BTBD9: variants seen among roughly 807,000 people sequenced by gnomAD.
The protein encoded by BTBD9 is BTB domain containing 9, also known as BTB/POZ domain-containing protein 9.
In BTBD9, 49 loss-of-function variants were observed where a neutral mutation model predicts 64.3. The observed-to-expected ratio is 0.76, with a 90% CI of 0.61 to 0.97. The LOEUF is 0.97. Among genes scored for constraint, BTBD9 ranks in the 50% least tolerant of loss-of-function variants. The pLI is 0.00. For synonymous variants in BTBD9, 260 were observed against 274.7 expected (o/e 0.95, Z 0.53); for missense variants, 598 against 762.1 (o/e 0.78, Z 2.53).
At chr6:38,236,509 C>T (rs938566157) in intron 9 of BTBD9, among the ~76,000 whole-genome samples, 3 of 152,190 alleles carry the variant, frequency 2.0e-5, no homozygotes, top group Non-Finnish European at 4.4e-5. Context: ...ATTTGGATTA[C>T]GACAGTTAGC....
At chr6:38,542,334 AT>A (rs1774317949) in intron 6 of BTBD9, among the ~76,000 whole-genome samples, 1 of 152,102 alleles carries the variant, frequency 6.6e-6, no homozygotes, top group Non-Finnish European at 1.5e-5. Context: ...ATCTCAGTAA[AT>A]TGTACCCCCA....
chr6:38,552,914 A>G (rs954947000), intron 6 of BTBD9, among the ~76,000 whole-genome samples: 2 of 152,166 alleles, frequency 1.3e-5, no homozygotes, highest in Non-Finnish European at 2.9e-5. Context: ...CCCACCAAGG[A>G]TATCAAAATC....
At chr6:38,615,199 T>G (rs1777743868) in intron 1 of BTBD9, among the ~76,000 whole-genome samples, 1 of 152,254 alleles carries the variant, frequency 6.6e-6, no homozygotes, top group African/African-American at 2.4e-5. Context: ...GCAGCCTTCC[T>G]TGACCTGGGT....
At chr6:38,466,589 C>A (rs536868611) in intron 6 of BTBD9, among the ~76,000 whole-genome samples, 2 of 151,888 alleles carry the variant, frequency 1.3e-5, no homozygotes, top group African/African-American at 4.8e-5. Flanking sequence ...CTACCGCACC[C>A]GGCCCTTTTT....
At chr6:38,539,902 A>G (rs141543406) in intron 6 of BTBD9, among the ~76,000 whole-genome samples, 1 of 152,330 alleles carries the variant, frequency 6.6e-6, no homozygotes, top group East Asian at 1.9e-4. Flanking sequence ...GCTCTATTAG[A>G]GTTCACAGGC....
At chr6:38,581,363 AAATT>A (rs1315800870) in intron 4 of BTBD9, among the ~76,000 whole-genome samples, 2 of 152,246 alleles carry the variant, frequency 1.3e-5, no homozygotes, top group Non-Finnish European at 2.9e-5. Context: ...GAATATGCTG[AAATT>A]AATTAATCTA....
chr6:38,505,964 C>CAAAAAAAAAAAAAAAAAAAAAAAAAA (rs59014161), intron 6 of BTBD9, among the ~76,000 whole-genome samples: 3 of 82,626 alleles, frequency 3.6e-5, no homozygotes, highest in African/African-American at 1.2e-4. Context: ...TCCGTCTCAA[C>CAAAAAAAAAAAAAAAAAAAAAAAAAA]AAAAAAAAAA....
intron 9 of BTBD9, among the ~76,000 whole-genome samples, chr6:38,220,473 G>T (rs1267989906): frequency 1.3e-5 from 2 of 152,190 alleles, no homozygotes; most frequent in African/African-American, 4.8e-5. Flanking sequence ...TTTCTGCATG[G>T]TTTGAAAATA....
intron 9 of BTBD9, among the ~76,000 whole-genome samples, chr6:38,254,897 A>G (rs539145725): frequency 6.6e-6 from 1 of 152,348 alleles, no homozygotes; most frequent in Admixed American, 6.5e-5. Context: ...TGACCCAGCA[A>G]TTCTACTCTC....
chr6:38,191,032 A>G (rs1366474907), intron 10 of BTBD9, among the ~76,000 whole-genome samples: 1 of 152,252 alleles, frequency 6.6e-6, no homozygotes, highest in South Asian at 2.1e-4. Flanking sequence ...TTCGATTTCA[A>G]TATGTTACTA....
At chr6:38,331,036 G>T (rs1763654755) in intron 7 of BTBD9, among the ~76,000 whole-genome samples, 1 of 152,156 alleles carries the variant, frequency 6.6e-6, no homozygotes, top group Non-Finnish European at 1.5e-5. Flanking sequence ...CAAAAAAAAT[G>T]ACTGATAGGA....
chr6:38,489,779 GA>G (rs1771619442), intron 6 of BTBD9, among the ~76,000 whole-genome samples: 1 of 152,076 alleles, frequency 6.6e-6, no homozygotes, highest in Non-Finnish European at 1.5e-5. Flanking sequence ...CATCTTTTGT[GA>G]ATTGTCTATT....
chr6:38,299,889 T>C (rs908583952), intron 7 of BTBD9, among the ~76,000 whole-genome samples: 8 of 152,240 alleles, frequency 5.3e-5, no homozygotes, highest in Non-Finnish European at 1.2e-4. Context: ...ATTTTGGCTT[T>C]TGTTGCCATT....
At chr6:38,177,371 G>C (rs1164519189) in intron 10 of BTBD9, among the ~76,000 whole-genome samples, 1 of 152,158 alleles carries the variant, frequency 6.6e-6, no homozygotes, top group African/African-American at 2.4e-5. Flanking sequence ...CCTTCAGGGT[G>C]CCTCCCGCTC....
intron 6 of BTBD9, among the ~76,000 whole-genome samples, chr6:38,388,793 T>C (rs955176948): frequency 2.0e-5 from 3 of 152,174 alleles, no homozygotes; most frequent in African/African-American, 4.8e-5. Context: ...TCATTTAAAC[T>C]GAAAACTAAA....
rs1030189698 is a variant in BTBD9, at chr6:38,429,503, C to T, written c.1155-84410G>A. On this transcript the variant is annotated intron_variant, in intron 6 of 10. Coordinates refer to ENST00000481247, the MANE Select transcript of BTBD9 (RefSeq NM_001099272.2). ...AAAACGGATTTGAATATAATTTTAC[C>T]ACCCTATTGAGCACCTTGCACACAT... 3.0e-4 allele frequency among the ~76,000 whole-genome samples: 45 copies of T among 150,952 alleles called. 3 individuals carry two copies. Among genetic ancestry groups the T allele is most frequent in the African/African-American group, 9.5e-4 (39 of 40,968 alleles).
intron 6 of BTBD9, among the ~76,000 whole-genome samples, chr6:38,425,753 A>T (rs771231390): frequency 6.4e-5 from 9 of 140,948 alleles, no homozygotes; most frequent in Non-Finnish European, 1.1e-4. Flanking sequence ...ACCAATAACT[A>T]AAAAAAAAAA....
At chr6:38,497,754 T>C in intron 6 of BTBD9, among the ~76,000 whole-genome samples, 1 of 152,232 alleles carries the variant, frequency 6.6e-6, no homozygotes, top group Non-Finnish European at 1.5e-5. Flanking sequence ...TTTCCAAACC[T>C]TGTTGCTACA....
chr6:38,567,138 G>T (rs1258651325), intron 6 of BTBD9, among the ~76,000 whole-genome samples: 3 of 152,180 alleles, frequency 2.0e-5, no homozygotes, highest in Non-Finnish European at 4.4e-5. Flanking sequence ...ATAGCATACT[G>T]TAGTTTTATC....
Sources: allele counts gnomAD v4.1 joint callset (sites outside exome capture counted in the v4.1 genomes callset), GRCh38; gene constraint gnomAD v4.1.1; transcripts MANE v1.5; gene names NCBI Gene and HGNC (gene_info 2026-07-23, HGNC 2026-07-21).